The following WWOX variants were observed in gnomAD, a reference collection of about 807,000 sequenced individuals.
The protein encoded by WWOX is WW domain-containing oxidoreductase.
WWOX carries 69 observed loss-of-function variants against 46.2 expected under a neutral mutation model. The observed-to-expected ratio is 1.49, with a 90% CI of 1.23 to 1.82. The LOEUF (loss-of-function observed/expected upper bound fraction) is 1.82, where lower values mean the gene tolerates loss of function less well. Among genes scored for constraint, WWOX ranks in the 40% most tolerant of loss-of-function variants. WWOX has a pLI of 0.00. For missense variants in WWOX, 919 were observed against 542.6 expected (o/e 1.69, Z -6.89); for synonymous variants, 359 against 202.6 (o/e 1.77, Z -6.56).
At chr16:78,793,968 A>G (rs1110559) in intron 8 of WWOX, among the ~76,000 whole-genome samples, 71,948 of 152,018 alleles carry the variant, frequency 0.47, 19,876 homozygotes, top group Middle Eastern at 0.67. Flanking sequence ...GGGCTCAGAA[A>G]GACCCATGCC....
chr16:78,852,286 T>C (rs758400350), intron 8 of WWOX, among the ~76,000 whole-genome samples: 48 of 152,310 alleles, frequency 3.2e-4, no homozygotes, highest in Non-Finnish European at 4.0e-4. Flanking sequence ...GATTGTCCTG[T>C]GTAACCTACA....
intron 8 of WWOX, among the ~76,000 whole-genome samples, chr16:79,152,178 C>G (rs547425747): frequency 9.2e-5 from 14 of 152,272 alleles, no homozygotes; most frequent in African/African-American, 3.1e-4. Context: ...TGCTTGCATC[C>G]CTCCCCCACG....
At chr16:78,178,271 TA>T (rs1261179835) in intron 5 of WWOX, among the ~76,000 whole-genome samples, 1 of 152,196 alleles carries the variant, frequency 6.6e-6, no homozygotes, top group Non-Finnish European at 1.5e-5. Context: ...CTGCAGTTAC[TA>T]AGCACTTTTC....
Position 78,895,540 on chromosome 16 carries a change from C to T in WWOX, c.1057-316068C>T, listed in dbSNP as rs570739510. The T allele has an allele frequency of 3.9e-5, 6 of 152,270 alleles. No individual in the cohort carries two copies. The South Asian group carries it at 1.2e-3, about 32-fold the overall frequency. The allele number at this position is 152,270 out of a possible 1,614,324, so 9.4% of individuals were successfully genotyped here. On this transcript the variant is annotated intron_variant, in intron 8 of 8. Transcript: ENST00000566780. Reference sequence around the variant, plus strand: ...AACCCTGTATTTGTTGTCAAATTTACACTGTCCACAGGCAAAGATCTATTC... The same window carrying T: ...AACCCTGTATTTGTTGTCAAATTTATACTGTCCACAGGCAAAGATCTATTC...
intron 5 of WWOX, among the ~76,000 whole-genome samples, chr16:78,205,190 C>T (rs1463247228): frequency 1.3e-5 from 2 of 152,004 alleles, no homozygotes; most frequent in African/African-American, 2.4e-5. Flanking sequence ...CAGTCTTTTC[C>T]AGTGATGGGG....
intron 5 of WWOX, among the ~76,000 whole-genome samples, chr16:78,276,645 A>C (rs7201993): frequency 0.016 from 2,502 of 152,326 alleles, 65 homozygotes; most frequent in African/African-American, 0.058. Context: ...GAGAAAATAG[A>C]AAGTCCAGTG....
At chr16:78,989,722 G>A (rs933237326) in intron 8 of WWOX, among the ~76,000 whole-genome samples, 35 of 152,006 alleles carry the variant, frequency 2.3e-4, no homozygotes, top group Admixed American at 1.8e-3. Flanking sequence ...GAGAGAGAAT[G>A]GAGCAGGTGT....
intron 8 of WWOX, among the ~76,000 whole-genome samples, chr16:79,082,454 C>T (rs1187400192): frequency 2.0e-5 from 3 of 152,134 alleles, no homozygotes; most frequent in African/African-American, 4.8e-5. Flanking sequence ...AGCAGGTACT[C>T]AGGAATGGCT....
chr16:78,185,139 G>A (rs1472180174), intron 5 of WWOX, among the ~76,000 whole-genome samples: 1 of 152,208 alleles, frequency 6.6e-6, no homozygotes, highest in Non-Finnish European at 1.5e-5. Context: ...GGAGTGGGCA[G>A]TAGTAGGGTG....
At chr16:78,184,954 T>C (rs573524215) in intron 5 of WWOX, among the ~76,000 whole-genome samples, 1 of 152,216 alleles carries the variant, frequency 6.6e-6, no homozygotes, top group Admixed American at 6.5e-5. Flanking sequence ...ATGAGTTGCT[T>C]GGAGGGATCT....
At chr16:78,565,438 A>G (rs911293011) in intron 8 of WWOX, among the ~76,000 whole-genome samples, 4 of 152,292 alleles carry the variant, frequency 2.6e-5, no homozygotes, top group East Asian at 1.9e-4. Context: ...TCTGGCTTCA[A>G]ACCAGCAGTT....
intron 4 of WWOX, among the ~76,000 whole-genome samples, chr16:78,123,025 T>C (rs1415461769): frequency 6.6e-6 from 1 of 152,206 alleles, no homozygotes; most frequent in Admixed American, 6.5e-5. Context: ...CATTGCAATA[T>C]AGTTCTGTTC....
At chr16:78,869,012 C>G (rs1361690253) in intron 8 of WWOX, among the ~76,000 whole-genome samples, 1 of 152,026 alleles carries the variant, frequency 6.6e-6, no homozygotes, top group Non-Finnish European at 1.5e-5. Flanking sequence ...TCACAAAGGC[C>G]AAAGTTTTAA....
At chr16:78,181,085 A>G (rs2035518603) in intron 5 of WWOX, among the ~76,000 whole-genome samples, 1 of 152,158 alleles carries the variant, frequency 6.6e-6, no homozygotes, top group Non-Finnish European at 1.5e-5. Context: ...CTGTCGAGAT[A>G]AATGTATACT....
intron 8 of WWOX, among the ~76,000 whole-genome samples, chr16:78,803,909 G>A (rs139841977): frequency 2.0e-5 from 3 of 152,072 alleles, no homozygotes; most frequent in Non-Finnish European, 4.4e-5. Flanking sequence ...AGACAAACAG[G>A]TGTGTGTGTG....
intron 8 of WWOX, among the ~76,000 whole-genome samples, chr16:78,781,585 C>T (rs189624404): frequency 4.6e-5 from 7 of 152,086 alleles, no homozygotes; most frequent in Non-Finnish European, 8.8e-5. Flanking sequence ...TTATCTATCC[C>T]CCACCCCCAC....
At position 79,072,053 on chromosome 16, in the gene WWOX, C is replaced by T. The variant is rs959001901; in HGVS notation, c.1057-139555C>T. Among the ~76,000 whole-genome samples, 11 of 152,032 alleles carry T rather than the reference C, an allele frequency of 7.2e-5. 1 individual carries two copies. Among genetic ancestry groups the T allele is most frequent in the Admixed American group, 6.6e-5 (1 of 15,254 alleles). On this transcript the variant is annotated intron_variant, in intron 8 of 8. Coordinates refer to ENST00000566780, the MANE Select transcript of WWOX (RefSeq NM_016373.4). ...ATCCTAGCACTTTGGAAGGCAGAGG[C>T]GGGAGGATTGCTTGAGTCTAGGAGT...
chr16:78,394,814 A>G (rs1209833002), intron 6 of WWOX, among the ~76,000 whole-genome samples: 1 of 152,184 alleles, frequency 6.6e-6, no homozygotes, highest in Admixed American at 6.5e-5. Flanking sequence ...ATAGTATGCT[A>G]CCCCTGGGCA....
intron 8 of WWOX, among the ~76,000 whole-genome samples, chr16:78,462,511 C>T (rs1354874031): frequency 6.6e-6 from 1 of 152,110 alleles, no homozygotes; most frequent in African/African-American, 2.4e-5. Context: ...AGGTCAGGTA[C>T]AGTTATCTGA....
Sources: gnomAD v4.1 joint callset for allele counts (sites outside exome capture counted in the v4.1 genomes callset) on GRCh38, gnomAD v4.1.1 for gene constraint, MANE v1.5 for transcripts, NCBI Gene and HGNC (gene_info 2026-07-23, HGNC 2026-07-21) for gene names.